The following ANK2 variants were observed in gnomAD, a reference collection of about 807,000 sequenced individuals.
The protein encoded by ANK2 is ankyrin-2.
ANK2 carries 83 observed loss-of-function variants against 360.5 expected under a neutral mutation model. The ratio of observed to expected loss-of-function variants is 0.23; its 90% CI spans 0.19 to 0.28. The LOEUF (loss-of-function observed/expected upper bound fraction) is 0.28. Among genes scored for constraint, ANK2 ranks in the 10% least tolerant of loss-of-function variants. The probability of loss-of-function intolerance (pLI) is 1.00; values close to 1 mark genes in which losing one functional copy is unlikely to be tolerated. For missense variants in ANK2, 4,201 were observed against 4,795.7 expected (o/e 0.88, Z 3.66); for synonymous variants, 1,740 against 1,759.5 (o/e 0.99, Z 0.28).
Position 113,003,963 on chromosome 4 carries a change from A to G in ANK2, c.21+99449A>G, listed in dbSNP as rs556462652. ...TCAGTATTTATGTATCTAAACATGG[A>G]AAAGGTGCAGTAAAAATACAATATA... On this transcript the variant is annotated intron_variant, in intron 2 of 30. Transcript: ENST00000503271. Among the ~76,000 whole-genome samples the G allele has an allele frequency of 7.9e-5, 12 of 152,322 alleles. No individual in the cohort carries two copies. The South Asian group carries it at 2.5e-3, about 32-fold the overall frequency.
At chr4:113,194,662 T>C (rs1177778636) in intron 2 of ANK2, among the ~76,000 whole-genome samples, 1 of 152,166 alleles carries the variant, frequency 6.6e-6, no homozygotes, top group Admixed American at 6.5e-5. Context: ...TGGTATTATA[T>C]AGAAATAGCA....
At chr4:113,105,911 G>A (rs1039550661) in intron 1 of ANK2, among the ~76,000 whole-genome samples, 3 of 152,146 alleles carry the variant, frequency 2.0e-5, no homozygotes, top group African/African-American at 7.2e-5. Context: ...CTACAATGAA[G>A]TTAAGAGAAA....
chr4:112,816,724 G>A (rs112231048), upstream of ANK2, among the ~76,000 whole-genome samples: 890 of 152,322 alleles, frequency 5.8e-3, 7 homozygotes, highest in African/African-American at 0.02. Flanking sequence ...CTTAAGAAGT[G>A]TCTTGGCCGG....
intron 1 of ANK2, among the ~76,000 whole-genome samples, chr4:112,831,673 C>T (rs151093334): frequency 6.6e-6 from 1 of 152,324 alleles, no homozygotes; most frequent in East Asian, 1.9e-4. Context: ...CTCGGGTCCT[C>T]TTTCATGCTG....
chr4:113,258,488 G>T (rs1019749459), intron 13 of ANK2, 77 bp downstream of exon 13: 2 of 1,395,054 alleles, frequency 1.4e-6, no homozygotes, highest in Admixed American at 1.7e-5. Flanking sequence ...GTGTATGTGT[G>T]TTTGCGTGTA....
the ANK2 span, among the ~76,000 whole-genome samples, chr4:112,772,082 A>G: frequency 6.6e-6 from 1 of 152,104 alleles, no homozygotes; most frequent in Non-Finnish European, 1.5e-5. Context: ...TCAGGTATTC[A>G]ATGTGCCAAG....
rs889364332 is a variant in ANK2, at chr4:113,242,052, G to A, written c.793-59G>A. On this transcript the variant is annotated intron_variant, in intron 8 of 45. Coordinates refer to ENST00000357077, the MANE Select transcript of ANK2 (RefSeq NM_001148.6). ...TTCCTTTGTGGCCTTTAACACAAAGGCATCGCCATCATGCCCTGTCATACC... is the reference window on the plus strand; with the variant it reads ...TTCCTTTGTGGCCTTTAACACAAAGACATCGCCATCATGCCCTGTCATACC... The A allele has an allele frequency of 3.3e-5, 45 of 1,356,848 alleles. 1 individual carries two copies. Among genetic ancestry groups the A allele is most frequent in the East Asian group, 1.1e-4 (5 of 43,612 alleles). 84.1% of individuals were successfully genotyped at this position (1,356,848 alleles called of 1,614,324 possible). A position where few individuals can be genotyped will look rare whatever the true frequency, so the allele number is the denominator to read the frequency against.
chr4:112,850,369 C>CCATCCATCCACCCA (rs2064513158), intron 1 of ANK2, among the ~76,000 whole-genome samples: 1 of 150,644 alleles, frequency 6.6e-6, no homozygotes, highest in African/African-American at 2.4e-5. Flanking sequence ...ACCCATTCAT[C>CCATCCATCCACCCA]TCTCTGTCCA....
At chr4:112,894,736 C>A (rs1054718571) in intron 1 of ANK2, among the ~76,000 whole-genome samples, 2 of 152,122 alleles carry the variant, frequency 1.3e-5, no homozygotes, top group African/African-American at 4.8e-5. Flanking sequence ...TTTCCACCAT[C>A]CCCTGGCTAT....
the ANK2 span, among the ~76,000 whole-genome samples, chr4:112,729,762 GAAAA>G: frequency 1.4e-5 from 2 of 143,756 alleles, no homozygotes; most frequent in South Asian, 2.2e-4. Flanking sequence ...AAAAAAAAAA[GAAAA>G]GAAAGAAAGA....
At chr4:113,302,664 G>A (rs891134614) in intron 22 of ANK2, 103 bp from the exon 23 acceptor site, 14 of 878,230 alleles carry the variant, frequency 1.6e-5, no homozygotes, top group Admixed American at 1.9e-5. Flanking sequence ...GTCATGGCTC[G>A]ATGGCTTGCT....
At chr4:112,793,246 T>C in the ANK2 span, among the ~76,000 whole-genome samples, 1 of 152,138 alleles carries the variant, frequency 6.6e-6, no homozygotes, top group East Asian at 1.9e-4. Flanking sequence ...CATTATTAGA[T>C]TGCTACATGC....
chr4:112,783,319 G>C, the ANK2 span, among the ~76,000 whole-genome samples: 1 of 152,126 alleles, frequency 6.6e-6, no homozygotes, highest in Non-Finnish European at 1.5e-5. Context: ...TAACATAATG[G>C]AACACTACTT....
intron 2 of ANK2, among the ~76,000 whole-genome samples, chr4:112,921,124 TCAAA>T (rs1227707466): frequency 2.7e-5 from 4 of 148,196 alleles, no homozygotes; most frequent in Admixed American, 1.3e-4. Flanking sequence ...CGATCTCGGC[TCAAA>T]CAATCCTCTC....
intron 2 of ANK2, among the ~76,000 whole-genome samples, chr4:113,039,801 A>G (rs999412814): frequency 6.6e-6 from 1 of 151,952 alleles, no homozygotes; most frequent in Admixed American, 6.6e-5. Context: ...ACCTTCTAAC[A>G]TTGGGATTCT....
At chr4:113,188,470 T>G (rs1185198681) in intron 2 of ANK2, among the ~76,000 whole-genome samples, 1 of 152,182 alleles carries the variant, frequency 6.6e-6, no homozygotes, top group African/African-American at 2.4e-5. Flanking sequence ...AAACTTCTTT[T>G]GGTCCCCTAA....
chr4:113,247,682 T>C (rs1158588385), intron 9 of ANK2, among the ~76,000 whole-genome samples: 1 of 152,206 alleles, frequency 6.6e-6, no homozygotes, highest in Non-Finnish European at 1.5e-5. Flanking sequence ...CTCCACTCTA[T>C]GTATCACGAA....
intron 1 of ANK2, among the ~76,000 whole-genome samples, chr4:113,130,715 G>T (rs1055638712): frequency 6.6e-6 from 1 of 152,126 alleles, no homozygotes; most frequent in African/African-American, 2.4e-5. Context: ...ATAACCATAG[G>T]TTTCTATATC....
upstream of ANK2, among the ~76,000 whole-genome samples, chr4:113,047,147 A>C (rs1233370532): frequency 2.0e-5 from 3 of 152,250 alleles, no homozygotes; most frequent in Admixed American, 1.3e-4. Flanking sequence ...CCATCTCGGG[A>C]CCTTTGAACT....
Sources: gnomAD v4.1 joint callset for allele counts (sites outside exome capture counted in the v4.1 genomes callset) on GRCh38, gnomAD v4.1.1 for gene constraint, MANE v1.5 for transcripts, NCBI Gene and HGNC (gene_info 2026-07-23, HGNC 2026-07-21) for gene names.